SLIT2: variants seen among roughly 807,000 people sequenced by gnomAD.
SLIT2 encodes the protein slit guidance ligand 2, also known as slit homolog 2 protein.
In SLIT2, 41 loss-of-function variants were observed where a neutral mutation model predicts 185.7. The ratio of observed to expected loss-of-function variants is 0.22; its 90% confidence interval spans 0.17 to 0.29. The LOEUF (loss-of-function observed/expected upper bound fraction) is 0.29, where lower values mean the gene tolerates loss of function less well. Among genes scored for constraint, SLIT2 ranks in the 10% least tolerant of loss-of-function variants. SLIT2 has a pLI of 1.00. For synonymous variants in SLIT2, 693 were observed against 680.2 expected, an observed-to-expected ratio of 1.02 and a Z score of -0.29; for missense variants, 1,571 against 1,909.0, an observed-to-expected ratio of 0.82 and a Z score of 3.30.
chr4:20,341,168 T>A (rs889336647), intron 4 of SLIT2, among the ~76,000 whole-genome samples: 7 of 152,280 alleles, frequency 4.6e-5, no homozygotes, highest in Admixed American at 4.6e-4. Flanking sequence ...GAAAGTATAT[T>A]GAAATAAAGA....
At position 20,253,774 on chromosome 4, in the gene SLIT2, G is replaced by T. The variant is rs753804753; in HGVS notation, c.-42G>T. On this transcript the variant is annotated 5_prime_UTR_variant, in exon 1 of 37. Transcript: ENST00000504154. Reference sequence around the variant, plus strand: ...GGTTCCCTCGGAGCAGCAAGCTAAAGAAAGCCCCCAGTGCCGGCGAGGAAG... The same window carrying T: ...GGTTCCCTCGGAGCAGCAAGCTAAATAAAGCCCCCAGTGCCGGCGAGGAAG... The T allele has an allele frequency of 6.3e-7, 1 of 1,590,190 alleles. No individual in the cohort carries two copies. Among genetic ancestry groups the T allele is most frequent in the South Asian group, 1.1e-5 (1 of 90,014 alleles).
Position 20,620,483 on chromosome 4 carries a change from A to T in SLIT2, c.*1474A>T. On this transcript the variant is annotated 3_prime_UTR_variant, in exon 37 of 37. Coordinates refer to ENST00000504154, the MANE Select transcript of SLIT2 (RefSeq NM_004787.4). The stretch of plus-strand genomic sequence containing the variant: ...AAAATTAGATGTACATGTATAATTC[A>T]GTGTGCTTTGTCTTTCTCCAGATTA... The T allele has an allele frequency of 4.5e-6, 2 of 444,008 alleles. No homozygotes were observed. The highest frequency in any genetic ancestry group is 9.0e-6 in the Non-Finnish European group (2 of 223,342). The allele number at this position is 444,008 out of a possible 1,614,324, so 27.5% of individuals were successfully genotyped here.
At chr4:20,521,171 T>G (rs1473680851) in intron 12 of SLIT2, among the ~76,000 whole-genome samples, 1 of 152,186 alleles carries the variant, frequency 6.6e-6, no homozygotes, top group Non-Finnish European at 1.5e-5. Flanking sequence ...CCACACTTAT[T>G]GGTAGTTGAT....
Position 20,557,873 on chromosome 4 carries a change from A to G in SLIT2, c.2725+3905A>G, listed in dbSNP as rs148048656. On this transcript the variant is annotated intron_variant, in intron 26 of 36. Coordinates refer to ENST00000504154, the MANE Select transcript of SLIT2 (RefSeq NM_004787.4). ...AGGAGTTTGGAAGAAGTTGATTCCA[A>G]TCTGCATAGATGACTTTGAAGAGTT... Among the ~76,000 whole-genome samples, 65 of 152,158 alleles carry G rather than the reference A, an allele frequency of 4.3e-4. 2 individuals are homozygous for G. Among genetic ancestry groups the G allele is most frequent in the African/African-American group, 1.5e-3 (61 of 41,462 alleles).
chr4:20,356,967 CA>C (rs1471262681), intron 4 of SLIT2, among the ~76,000 whole-genome samples: 1 of 151,906 alleles, frequency 6.6e-6, no homozygotes, highest in Admixed American at 6.6e-5. Flanking sequence ...AAGTTTAAAA[CA>C]AAACAAAACA....
chr4:20,548,836 C>T (rs1244725673), intron 23 of SLIT2, among the ~76,000 whole-genome samples: 2 of 151,954 alleles, frequency 1.3e-5, no homozygotes, highest in Non-Finnish European at 2.9e-5. Context: ...GGCTGACGCA[C>T]CAAAGTTGGG....
intron 4 of SLIT2, among the ~76,000 whole-genome samples, chr4:20,391,399 G>A (rs548060244): frequency 6.6e-6 from 1 of 151,974 alleles, no homozygotes; most frequent in Non-Finnish European, 1.5e-5. Context: ...AGGACTGCCA[G>A]CAATTTCATT....
chr4:20,464,978 C>A (rs925821936), intron 4 of SLIT2, among the ~76,000 whole-genome samples: 3 of 152,146 alleles, frequency 2.0e-5, no homozygotes, highest in Non-Finnish European at 1.5e-5. Context: ...TATTAAATAA[C>A]AGTATGTTGG....
At chr4:20,609,773 T>C (rs1347269276) in intron 33 of SLIT2, among the ~76,000 whole-genome samples, 1 of 152,228 alleles carries the variant, frequency 6.6e-6, no homozygotes, top group African/African-American at 2.4e-5. Context: ...TGTAGTTATT[T>C]CTACTTCTTG....
rs142416094 is a variant in SLIT2 at position 20,286,789 on chromosome 4, A to G, written c.395+17908A>G. 9.1e-3 allele frequency among the ~76,000 whole-genome samples: 1,379 copies of G among 152,296 alleles called. 12 individuals are homozygous for G. The highest frequency in any genetic ancestry group is 0.027 in the Middle Eastern group (8 of 294). On this transcript the variant is annotated intron_variant, in intron 4 of 36. Transcript: ENST00000504154. The stretch of plus-strand genomic sequence containing the variant: ...TGCACTCCAGCATGGGCAACAGAGC[A>G]AGACTTCATCTCTAAGTAAATAAAT...
intron 29 of SLIT2, among the ~76,000 whole-genome samples, chr4:20,574,786 CA>C (rs57022828): frequency 0.33 from 28,720 of 86,552 alleles, 2,329 homozygotes; most frequent in East Asian, 0.65. Context: ...GACTCGCTTT[CA>C]AAAAAAAAAA....
intron 4 of SLIT2, among the ~76,000 whole-genome samples, chr4:20,428,877 G>A (rs900120918): frequency 5.3e-5 from 8 of 152,172 alleles, no homozygotes; most frequent in Admixed American, 2.6e-4. Context: ...CTTGAACTCC[G>A]CTTTAGCCCT....
chr4:20,354,185 GC>G (rs1722115914), intron 4 of SLIT2, among the ~76,000 whole-genome samples: 1 of 151,116 alleles, frequency 6.6e-6, no homozygotes, highest in African/African-American at 2.4e-5. Flanking sequence ...AGCATTTAAT[GC>G]TAAATTAAGA....
rs558010883 is a variant in SLIT2 at position 20,620,141 on chromosome 4, G to A, written c.*1132G>A. On this transcript the variant is annotated 3_prime_UTR_variant, in exon 37 of 37. Transcript: ENST00000504154. ...GGCCCCTCTGCAACATGTCCTCACA[G>A]AAACGAAATGGTGTGTAGCAATCAA... 2.1e-5 allele frequency: 5 copies of A among 240,038 alleles called. No homozygotes were observed. Among genetic ancestry groups the A allele is most frequent in the African/African-American group, 1.1e-4 (5 of 43,648 alleles). The allele number at this position is 240,038 out of a possible 1,614,324, so 14.9% of individuals were successfully genotyped here.
intron 8 of SLIT2, among the ~76,000 whole-genome samples, chr4:20,490,492 T>G (rs111478866): frequency 6.6e-6 from 1 of 151,880 alleles, no homozygotes; most frequent in East Asian, 1.9e-4. Context: ...TGCTTCAGCT[T>G]CAGAAGTATC....
At chr4:20,576,257 G>T (rs780510211) in intron 29 of SLIT2, among the ~76,000 whole-genome samples, 6 of 152,042 alleles carry the variant, frequency 3.9e-5, no homozygotes, top group Non-Finnish European at 8.8e-5. Flanking sequence ...AATTACCTAA[G>T]GTAAATTATG....
Position 20,532,070 on chromosome 4 carries a change from GT to G in SLIT2, c.1688+14del. 6.8e-7 allele frequency: 1 copy of G among 1,463,222 alleles called. No individual in the cohort carries two copies. The highest frequency in any genetic ancestry group is 9.1e-7 in the Non-Finnish European group (1 of 1,092,914). 90.6% of individuals were successfully genotyped at this position (1,463,222 alleles called of 1,614,324 possible). ...CAATTACGTAAAATGTAAGTCACTT[GT>G]TAGCTATTTTTTTTATTTCTGTAGC... On this transcript the variant is annotated intron_variant, in intron 17 of 36. Coordinates refer to ENST00000504154, the MANE Select transcript of SLIT2 (RefSeq NM_004787.4).
intron 26 of SLIT2, among the ~76,000 whole-genome samples, chr4:20,555,604 C>A (rs1476607690): frequency 1.3e-5 from 2 of 152,004 alleles, no homozygotes; most frequent in African/African-American, 4.8e-5. Context: ...ATGTAGGACA[C>A]TTCATGGTTT....
chr4:20,518,919 T>C (rs1577840834), intron 11 of SLIT2, among the ~76,000 whole-genome samples: 1 of 152,162 alleles, frequency 6.6e-6, no homozygotes, highest in Admixed American at 6.5e-5. Flanking sequence ...TATATATTTT[T>C]AAAACAAAAC....
Sources: gnomAD v4.1 joint callset for allele counts (sites outside exome capture counted in the v4.1 genomes callset) on GRCh38, gnomAD v4.1.1 for gene constraint, MANE v1.5 for transcripts, NCBI Gene and HGNC (gene_info 2026-07-23, HGNC 2026-07-21) for gene names.